The following KLHDC1 variants were observed in gnomAD, a reference collection of about 807,000 sequenced individuals.
KLHDC1 encodes kelch domain-containing protein 1.
A neutral mutation model predicts 68.3 loss-of-function variants in KLHDC1; 53 were observed. That is an observed-to-expected ratio of 0.78 (90% CI 0.62 to 0.98). KLHDC1 has a LOEUF of 0.98. Among genes scored for constraint, KLHDC1 ranks in the 50% least tolerant of loss-of-function variants. KLHDC1 has a pLI of 0.00. For missense variants in KLHDC1, 470 were observed against 492.3 expected (o/e 0.95, Z 0.43); for synonymous variants, 148 against 159.0 (o/e 0.93, Z 0.52).
intron 1 of KLHDC1, among the ~76,000 whole-genome samples, chr14:49,703,324 G>A (rs552609125): frequency 1.3e-5 from 2 of 151,358 alleles, no homozygotes; most frequent in Non-Finnish European, 2.9e-5. Context: ...TTGAATCATA[G>A]CATATGTTTT....
intron 4 of KLHDC1, among the ~76,000 whole-genome samples, chr14:49,713,840 A>ATTT (rs1566603014): frequency 1.3e-4 from 2 of 15,090 alleles, no homozygotes; most frequent in Non-Finnish European, 2.7e-4. Context: ...ATATATATAT[A>ATTT]TATATATATA....
chr14:49,711,327 G>A (rs112602217), intron 4 of KLHDC1, among the ~76,000 whole-genome samples: 9 of 152,044 alleles, frequency 5.9e-5, no homozygotes, highest in African/African-American at 1.2e-4. Flanking sequence ...TCAGCCTCCC[G>A]AGTAGCTGGG....
intron 1 of KLHDC1, among the ~76,000 whole-genome samples, chr14:49,706,663 T>C (rs916946857): frequency 6.6e-6 from 1 of 152,236 alleles, no homozygotes; most frequent in African/African-American, 2.4e-5. Flanking sequence ...TTCTTTTGGA[T>C]AAAAGCCGTT....
intron 12 of KLHDC1, among the ~76,000 whole-genome samples, chr14:49,746,327 G>A (rs566722308): frequency 1.3e-5 from 2 of 152,224 alleles, no homozygotes; most frequent in African/African-American, 4.8e-5. Context: ...TAGTAAGTGT[G>A]GATTAGCTCT....
chr14:49,750,610 C>T (rs1889300401), intron 12 of KLHDC1, among the ~76,000 whole-genome samples: 1 of 152,184 alleles, frequency 6.6e-6, no homozygotes, highest in African/African-American at 2.4e-5. Context: ...AAGTTACCCA[C>T]AGCAGAATCA....
In KLHDC1 at chr14:49,713,450, A is replaced by G. The variant is rs148059402; in HGVS notation, c.404+3069A>G. Among the ~76,000 whole-genome samples, 24 of 152,266 alleles carry G rather than the reference A, an allele frequency of 1.6e-4. 1 individual carries two copies. In the East Asian group the frequency reaches 3.3e-3, roughly 21 times the overall value. On this transcript the variant is annotated intron_variant, in intron 4 of 12. Coordinates refer to ENST00000359332, the MANE Select transcript of KLHDC1 (RefSeq NM_172193.3). ...AAGAAACTTTCTTTAACTGTTTATT[A>G]ACCCTAAGATACTGTTTGTATAGGA...
At chr14:49,727,533 G>T (rs188750863) in intron 6 of KLHDC1, among the ~76,000 whole-genome samples, 54 of 152,244 alleles carry the variant, frequency 3.5e-4, no homozygotes, top group Non-Finnish European at 1.5e-5. Flanking sequence ...TGATGGGAAG[G>T]TCTATACAAA....
chr14:49,720,857 T>C (rs558188940), intron 4 of KLHDC1, among the ~76,000 whole-genome samples: 25 of 152,342 alleles, frequency 1.6e-4, no homozygotes, highest in Non-Finnish European at 2.8e-4. Context: ...TCAAGTTTGC[T>C]GTTAATTACC....
chr14:49,748,363 T>C (rs1327724576), intron 12 of KLHDC1, among the ~76,000 whole-genome samples: 3 of 152,220 alleles, frequency 2.0e-5, no homozygotes, highest in Admixed American at 6.5e-5. Context: ...AAATGTGTAC[T>C]ATTTTCTCAA....
chr14:49,747,930 G>A (rs539824694), intron 12 of KLHDC1, among the ~76,000 whole-genome samples: 3 of 152,172 alleles, frequency 2.0e-5, no homozygotes, highest in South Asian at 4.1e-4. Context: ...ACGGTGAAGG[G>A]GATTAAAATT....
intron 12 of KLHDC1, among the ~76,000 whole-genome samples, chr14:49,744,972 T>G (rs1431461293): frequency 6.6e-6 from 1 of 152,020 alleles, no homozygotes; most frequent in Non-Finnish European, 1.5e-5. Flanking sequence ...CTGTACAAAG[T>G]TTAGTGGGAG....
intron 12 of KLHDC1, among the ~76,000 whole-genome samples, chr14:49,748,254 A>G (rs1889245035): frequency 6.6e-6 from 1 of 152,230 alleles, no homozygotes; most frequent in Admixed American, 6.5e-5. Flanking sequence ...AGGTTAGTAG[A>G]TGGCAACACC....
In KLHDC1 at chr14:49,710,507, A is replaced by G. The variant is rs1888171733; in HGVS notation, c.404+126A>G. ...TTGCAATTGATTTTCTAAATAATCA[A>G]TATCTGACAATGCCCGTTTTATTTC... On this transcript the variant is annotated intron_variant, in intron 4 of 12. Transcript: ENST00000359332. 1.5e-5 allele frequency: 9 copies of G among 585,720 alleles called. 1 individual carries two copies. The East Asian group carries it at 2.0e-4, about 13-fold the overall frequency. The allele number at this position is 585,720 out of a possible 1,614,324, so 36.3% of individuals were successfully genotyped here.
At chr14:49,717,117 G>A (rs1231071603) in intron 4 of KLHDC1, among the ~76,000 whole-genome samples, 1 of 152,052 alleles carries the variant, frequency 6.6e-6, no homozygotes, top group Non-Finnish European at 1.5e-5. Context: ...TTTATATGTT[G>A]GTAGATGCTT....
chr14:49,753,140 T>G lies in KLHDC1; in HGVS notation c.*1368T>G, dbSNP rs1214222239. 6.6e-6 allele frequency: 1 copy of G among 152,188 alleles called. No individual in the cohort carries two copies. The highest frequency in any genetic ancestry group is 1.5e-5 in the Non-Finnish European group (1 of 68,018). 9.4% of individuals were successfully genotyped at this position (152,188 alleles called of 1,614,324 possible). A position where few individuals can be genotyped will look rare whatever the true frequency, so the allele number is the denominator to read the frequency against. ...GTGTAAAGCAGTCATTAGAATTGATTATACAAAAAATATTTCATTGTCAGT... is the reference window on the plus strand; with the variant it reads ...GTGTAAAGCAGTCATTAGAATTGATGATACAAAAAATATTTCATTGTCAGT... On this transcript the variant is annotated 3_prime_UTR_variant, in exon 13 of 13. Transcript: ENST00000359332.
At chr14:49,735,190 A>G (rs1298602976) in intron 10 of KLHDC1, among the ~76,000 whole-genome samples, 1 of 151,886 alleles carries the variant, frequency 6.6e-6, no homozygotes, top group Non-Finnish European at 1.5e-5. Context: ...ATAGAATTAA[A>G]AATTTTAGAA....
intron 10 of KLHDC1, among the ~76,000 whole-genome samples, chr14:49,735,332 T>C (rs1448777481): frequency 2.0e-5 from 3 of 152,032 alleles, no homozygotes; most frequent in Non-Finnish European, 4.4e-5. Context: ...ATCATTATAA[T>C]TGGTAATTCT....
At chr14:49,717,555 G>A (rs889642682) in intron 4 of KLHDC1, among the ~76,000 whole-genome samples, 1 of 152,032 alleles carries the variant, frequency 6.6e-6, no homozygotes, top group Non-Finnish European at 1.5e-5. Flanking sequence ...AAAATGAGTC[G>A]TCTGTCTTTT....
intron 10 of KLHDC1, among the ~76,000 whole-genome samples, chr14:49,736,762 C>T (rs1176873001): frequency 6.6e-6 from 1 of 152,188 alleles, no homozygotes; most frequent in Non-Finnish European, 1.5e-5. Context: ...TGTTTAGCAG[C>T]ATCCCTGTCC....
Sources: allele counts gnomAD v4.1 joint callset (sites outside exome capture counted in the v4.1 genomes callset), GRCh38; gene constraint gnomAD v4.1.1; transcripts MANE v1.5; gene names NCBI Gene and HGNC (gene_info 2026-07-23, HGNC 2026-07-21).